The following NUDC variants were observed in gnomAD, a reference collection of about 807,000 sequenced individuals.
The protein encoded by NUDC is nuclear distribution C, dynein complex regulator, also known as nuclear migration protein nudC.
Under a neutral mutation model 45.0 loss-of-function variants are expected in NUDC, and 14 were observed. The ratio of observed to expected loss-of-function variants is 0.31; its 90% CI spans 0.21 to 0.49. The LOEUF is 0.49. Among genes scored for constraint, NUDC ranks in the 20% least tolerant of loss-of-function variants. The pLI, the probability that NUDC is intolerant of heterozygous loss-of-function variation, is 0.99. For missense variants in NUDC, 323 were observed against 426.2 expected, an observed-to-expected ratio of 0.76 and a Z score of 2.13; for synonymous variants, 153 against 156.7, an observed-to-expected ratio of 0.98 and a Z score of 0.17.
chr1:26,906,674 C>G (rs1471867400), intron 2 of NUDC, among the ~76,000 whole-genome samples: 1 of 150,998 alleles, frequency 6.6e-6, no homozygotes, highest in Admixed American at 6.6e-5. Flanking sequence ...ATGGTGAAAC[C>G]CTGTCTCTAC....
chr1:26,923,085 T>C (rs1213681763), intron 1 of NUDC, among the ~76,000 whole-genome samples: 1 of 152,222 alleles, frequency 6.6e-6, no homozygotes, highest in Non-Finnish European at 1.5e-5. Flanking sequence ...CTAGATTGTT[T>C]CATTCAGCAA....
At chr1:26,914,958 T>C (rs950077528) in intron 3 of NUDC, among the ~76,000 whole-genome samples, 1 of 150,138 alleles carries the variant, frequency 6.7e-6, no homozygotes, top group East Asian at 1.9e-4. Flanking sequence ...CAGAGCAAGA[T>C]CCTGTCTCAA....
intron 2 of NUDC, among the ~76,000 whole-genome samples, chr1:26,926,900 A>G (rs548690793): frequency 3.8e-4 from 58 of 152,152 alleles, no homozygotes; most frequent in African/African-American, 1.3e-3. Flanking sequence ...CACCCGGCCT[A>G]CTTTTTTCAA....
Position 26,946,117 on chromosome 1 carries a change from T to C in NUDC, c.945-13T>C. The C allele has an allele frequency of 6.2e-7, 1 of 1,607,456 alleles. No homozygotes were observed. On this transcript the variant is annotated splice_polypyrimidine_tract_variant and intron_variant, in intron 8 of 8. Transcript: ENST00000321265. Reference sequence around the variant, plus strand: ...GAAGGATGAGCTGTTTCATCTTGCTTCCGTTTCTCCAGGTTCATGGATCAA... The same window carrying C: ...GAAGGATGAGCTGTTTCATCTTGCTCCCGTTTCTCCAGGTTCATGGATCAA...
At chr1:26,915,961 G>A (rs2082059717) in intron 3 of NUDC, among the ~76,000 whole-genome samples, 1 of 152,152 alleles carries the variant, frequency 6.6e-6, no homozygotes, top group Non-Finnish European at 1.5e-5. Context: ...ACTTAGCTGA[G>A]TGACCTTGGG....
At position 26,942,736 on chromosome 1, in the gene NUDC, T is replaced by G. The variant is rs2082288391; in HGVS notation, c.506T>G (p.Leu169Arg). Residue 169 changes from leucine to arginine, a missense_variant, in exon 5 of 9, where the codon CTG (leucine) becomes CGG (arginine). Physicochemically the swap from Leu to Arg is moderately radical, Grantham distance 102. Transcript: ENST00000321265. ...LKPNLGNGAD[L>R]PNYRWTQTLS... ...CCCAACCTAGGCAACGGGGCAGACC[T>G]GCCCAATTACCGCTGGACCCAGACC... The G allele has an allele frequency of 6.2e-7, 1 of 1,614,140 alleles. No individual in the cohort carries two copies. Among genetic ancestry groups the G allele is most frequent in the African/African-American group, 1.3e-5 (1 of 74,946 alleles).
chr1:26,932,923 C>T (rs2082195170), intron 2 of NUDC, among the ~76,000 whole-genome samples: 1 of 152,116 alleles, frequency 6.6e-6, no homozygotes, highest in Non-Finnish European at 1.5e-5. Flanking sequence ...ATTTCCATCC[C>T]CTTTAAGGCT....
At chr1:26,930,729 A>C (rs2124111325) in intron 2 of NUDC, among the ~76,000 whole-genome samples, 1 of 147,186 alleles carries the variant, frequency 6.8e-6, no homozygotes, top group African/African-American at 2.5e-5. Context: ...AAAAAAAAAA[A>C]TAGTGGGCTG....
chr1:26,941,051 A>G (rs1044846656), intron 2 of NUDC, among the ~76,000 whole-genome samples: 1 of 139,808 alleles, frequency 7.2e-6, no homozygotes, highest in Non-Finnish European at 1.5e-5. Context: ...CTTCTCGAGT[A>G]GCTGGGATTA....
At chr1:26,929,755 G>A (rs1369465736) in intron 2 of NUDC, 1 of 383,746 alleles carries the variant, frequency 2.6e-6, no homozygotes, top group South Asian at 2.0e-5. Context: ...CGGGCACAGT[G>A]GCTCATACCT....
intron 2 of NUDC, among the ~76,000 whole-genome samples, chr1:26,908,741 T>TTTTA (rs1165897944): frequency 6.6e-6 from 1 of 152,068 alleles, no homozygotes; most frequent in Non-Finnish European, 1.5e-5. Context: ...TTTATTTTAC[T>TTTTA]TTTATTTATT....
In NUDC at chr1:26,907,541, G is replaced by A. The variant is rs200643537; in HGVS notation, c.-15-3587G>A. 1.1e-4 allele frequency among the ~76,000 whole-genome samples: 17 copies of A among 151,152 alleles called. No individual in the cohort carries two copies. In the East Asian group the frequency reaches 2.5e-3, roughly 22 times the overall value. On this transcript the variant is annotated intron_variant, in intron 2 of 6. Coordinates refer to the NUDC transcript ENST00000435827. ...GGTGTTGGCTTTTTGCCAGCATCAC[G>A]GGTTCTAGGATATTTGAATGCCCCA...
Position 26,946,174 on chromosome 1 carries a change from T to A in NUDC, c.989T>A (p.Phe330Tyr). Residue 330 changes from phenylalanine (F) to tyrosine (Y), a missense_variant, in exon 9 of 9, where the codon TTC becomes TAC. Transcript: ENST00000321265. ...GAGATGGATTTTTCCAAGGCTAAAT[T>A]CAACTAGCCCCTGTTTTTTCCTCCC... ...HPEMDFSKAK[F>Y]N 13 of 1,613,016 alleles carry A rather than the reference T, an allele frequency of 8.1e-6. No homozygotes were observed. Among genetic ancestry groups the A allele is most frequent in the Non-Finnish European group, 1.1e-5 (13 of 1,179,760 alleles).
At chr1:26,902,762 A>T (rs2081985964) in intron 2 of NUDC, among the ~76,000 whole-genome samples, 1 of 151,812 alleles carries the variant, frequency 6.6e-6, no homozygotes, top group Admixed American at 6.6e-5. Flanking sequence ...AAAAAAAATT[A>T]TAATGGCTGG....
chr1:26,931,493 C>T (rs1251705953), intron 2 of NUDC, among the ~76,000 whole-genome samples: 5 of 144,482 alleles, frequency 3.5e-5, no homozygotes, highest in Admixed American at 7.1e-5. Flanking sequence ...AGAGATTTCT[C>T]GTACCGGTTG....
chr1:26,943,064 A>G lies in NUDC; in HGVS notation c.740A>G (p.Lys247Arg). The part of the protein sequence containing the change: ...DGKVVTVHLE[K>R]INKMEWWSRL... ...AAGGTGGTGACTGTGCATCTGGAGA[A>G]GGTATGTGAGGCCCAGCCCTTCTAG... The change falls in exon 6 of 9, where the codon AAG becomes AGG. Residue 247 changes from lysine (K) to arginine (R), a missense_variant and splice_region_variant. Lys to Arg is a conservative substitution (Grantham distance 26, BLOSUM62 2). Around this residue, in one of 3 missense-constraint regions of NUDC, gnomAD observed 245 missense variants for 278.8 expected, o/e 0.88. Transcript: ENST00000321265. 6.2e-7 allele frequency: 1 copy of G among 1,614,042 alleles called. No homozygotes were observed. The highest frequency in any genetic ancestry group is 8.5e-7 in the Non-Finnish European group (1 of 1,180,004).
chr1:26,933,790 A>T (rs574002980), intron 2 of NUDC, among the ~76,000 whole-genome samples: 1 of 152,190 alleles, frequency 6.6e-6, no homozygotes, highest in Non-Finnish European at 1.5e-5. Flanking sequence ...CTAATAGTAC[A>T]TGAGGATTCT....
intron 2 of NUDC, among the ~76,000 whole-genome samples, chr1:26,925,990 G>A (rs2082128895): frequency 1.3e-5 from 2 of 151,962 alleles, no homozygotes; most frequent in South Asian, 4.1e-4. Flanking sequence ...CCGAAGTGCT[G>A]GGATTACAGG....
Position 26,942,951 on chromosome 1 carries a change from G to A in NUDC, c.627G>A (p.Val209=), listed in dbSNP as rs1159345930. 6.2e-7 allele frequency: 1 copy of A among 1,614,020 alleles called. No homozygotes were observed. The highest frequency in any genetic ancestry group is 8.5e-7 in the Non-Finnish European group (1 of 1,180,044). The change falls in exon 6 of 9, where the codon GTG becomes GTA. Residue 209 remains valine (V), a synonymous_variant. Coordinates refer to ENST00000321265, the MANE Select transcript of NUDC (RefSeq NM_006600.4). ...ACATCCAGCGGCGGCACCTCCGGGT[G>A]GGGCTCAAGGGGCAGCCAGCGATCA... ...VVDIQRRHLR[V]GLKGQPAIID... is the part of the protein sequence containing the mutation.
Sources: gnomAD v4.1 joint callset for allele counts (sites outside exome capture counted in the v4.1 genomes callset) on GRCh38, gnomAD v4.1.1 for gene constraint, gnomAD v4.1.1 regional missense constraint, MANE v1.5 for transcripts, NCBI Gene and HGNC (gene_info 2026-07-23, HGNC 2026-07-21) for gene names.